Variants in GLRA2 observed in about 807,000 individuals in gnomAD.
GLRA2 encodes the protein glycine receptor alpha 2, also known as glycine receptor subunit alpha-2.
Under a neutral mutation model 31.6 loss-of-function variants are expected in GLRA2, and 11 were observed. The ratio of observed to expected loss-of-function variants is 0.35; its 90% CI spans 0.22 to 0.58. The LOEUF is 0.58. Among genes scored for constraint, GLRA2 ranks in the 20% least tolerant of loss-of-function variants. The probability of loss-of-function intolerance (pLI) is 0.84; values close to 1 mark genes in which losing one functional copy is unlikely to be tolerated. For synonymous variants in GLRA2, 132 were observed against 134.0 expected (o/e 0.99, Z 0.10); for missense variants, 212 against 351.8 (o/e 0.60, Z 3.18).
At chrX:14,506,522 C>T in the GLRA2 span, among the ~76,000 whole-genome samples, 1 of 111,519 alleles carries the variant, frequency 9.0e-6, no homozygotes. Context: ...CTGAACATGC[C>T]ACACTGTTTC....
At chrX:14,500,595 G>A in the GLRA2 span, among the ~76,000 whole-genome samples, 1 of 112,060 alleles carries the variant, frequency 8.9e-6, no homozygotes, top group African/African-American at 3.2e-5. Flanking sequence ...CAAGATGGTG[G>A]GGAAGCTAGT....
At chrX:14,490,443 A>G in the GLRA2 span, among the ~76,000 whole-genome samples, 1 of 112,217 alleles carries the variant, frequency 8.9e-6, no homozygotes, top group East Asian at 2.8e-4. Context: ...TAATTGGAAA[A>G]ACAGTTTAAA....
Position 14,581,414 on chromosome X carries a change from TC to T in GLRA2, c.494+10del. 1 of 1,031,843 alleles carries T rather than the reference TC, an allele frequency of 9.7e-7. No homozygotes were observed. The highest frequency in any genetic ancestry group is 1.4e-6 in the Non-Finnish European group (1 of 731,399). 85.0% of individuals were successfully genotyped at this position (1,031,843 alleles called of 1,213,427 possible). A position where few individuals can be genotyped will look rare whatever the true frequency, so the allele number is the denominator to read the frequency against. ...AGTGCTCTACAGTATCAGGTAAGCC[TC>T]CATTGGCTGCACATGTTCGCATCTC... On this transcript the variant is annotated intron_variant, in intron 4 of 8. Transcript: ENST00000218075.
At chrX:14,692,426 G>A (rs1229967663) in intron 8 of GLRA2, among the ~76,000 whole-genome samples, 9 of 111,848 alleles carry the variant, frequency 8.0e-5, no homozygotes. Context: ...ACAGTACAGA[G>A]TTAAAAGAAT....
rs2090308228 is a variant in GLRA2 at position 14,604,303 on chromosome X, T to G, written c.495-12T>G. On this transcript the variant is annotated splice_polypyrimidine_tract_variant and intron_variant, in intron 4 of 8. Coordinates refer to ENST00000218075, the MANE Select transcript of GLRA2 (RefSeq NM_002063.4). Reference sequence around the variant, plus strand: ...TTAAAAATGGTTTTTAATTTTTTTTTTGTTTGCTAAGACTCACCTTGACCT... The same window carrying G: ...TTAAAAATGGTTTTTAATTTTTTTTGTGTTTGCTAAGACTCACCTTGACCT... 5 of 1,100,895 alleles carry G rather than the reference T, an allele frequency of 4.5e-6. No individual in the cohort carries two copies. The highest frequency in any genetic ancestry group is 6.2e-6 in the Non-Finnish European group (5 of 802,662). The allele number at this position is 1,100,895 out of a possible 1,213,427, so 90.7% of individuals were successfully genotyped here.
the GLRA2 span, among the ~76,000 whole-genome samples, chrX:14,492,459 A>G: frequency 8.9e-6 from 1 of 112,019 alleles, no homozygotes; most frequent in Non-Finnish European, 1.9e-5. Flanking sequence ...AAAATTTTAG[A>G]TATAATACAT....
chrX:14,550,518 T>C (rs2089546368), intron 2 of GLRA2, among the ~76,000 whole-genome samples: 1 of 110,430 alleles, frequency 9.1e-6, no homozygotes, highest in Non-Finnish European at 1.9e-5. Context: ...TGTATTTTCT[T>C]GGTGAAGTAG....
In GLRA2 at chrX:14,532,393, C is replaced by A. The variant is rs769545453; in HGVS notation, c.202+21C>A. On this transcript the variant is annotated intron_variant, in intron 2 of 8. Transcript: ENST00000218075. Reference sequence around the variant, plus strand: ...TAAAGGTAGGTTCCACTTAAACTTACGTTAAGCCTTTGAGAAATCTTCTAG... The same window carrying A: ...TAAAGGTAGGTTCCACTTAAACTTAAGTTAAGCCTTTGAGAAATCTTCTAG... 1.2e-5 allele frequency: 13 copies of A among 1,088,477 alleles called. No homozygotes were observed. In the Admixed American group the frequency reaches 2.5e-4, roughly 21 times the overall value. 89.7% of individuals were successfully genotyped at this position (1,088,477 alleles called of 1,213,427 possible). A position where few individuals can be genotyped will look rare whatever the true frequency, so the allele number is the denominator to read the frequency against.
chrX:14,660,561 T>C (rs1050024731), intron 7 of GLRA2, among the ~76,000 whole-genome samples: 2 of 111,391 alleles, frequency 1.8e-5, no homozygotes, highest in African/African-American at 6.5e-5. Context: ...CTTTGTTGAT[T>C]ATAGACTGTG....
rs182149851 is a variant in GLRA2, at chrX:14,557,395, A to G, written c.203-16938A>G. The stretch of plus-strand genomic sequence containing the variant: ...CTCCCAAAGTGCTGGGATTACAGGC[A>G]TAAGCCACTGTGCCCGGCCCACCTA... On this transcript the variant is annotated intron_variant, in intron 2 of 8. Transcript: ENST00000218075. 4.9e-3 allele frequency among the ~76,000 whole-genome samples: 546 copies of G among 111,290 alleles called. 5 individuals are homozygous for G. Among genetic ancestry groups the G allele is most frequent in the African/African-American group, 0.017 (515 of 30,656 alleles).
chrX:14,477,512 TC>T, the GLRA2 span, among the ~76,000 whole-genome samples: 1 of 111,258 alleles, frequency 9.0e-6, no homozygotes, highest in Non-Finnish European at 1.9e-5. Context: ...CTAACCACTC[TC>T]CCCAGCAGAG....
intron 8 of GLRA2, among the ~76,000 whole-genome samples, chrX:14,719,963 T>C (rs1238674035): frequency 9.0e-6 from 1 of 111,503 alleles, no homozygotes; most frequent in Non-Finnish European, 1.9e-5. Context: ...AATACTACAA[T>C]TTCTCATTTT....
chrX:14,662,914 T>C (rs1314637765), intron 7 of GLRA2, among the ~76,000 whole-genome samples: 2 of 112,136 alleles, frequency 1.8e-5, no homozygotes, highest in Non-Finnish European at 3.8e-5. Context: ...TTATTTTTCA[T>C]TATATTTTGT....
intron 7 of GLRA2, among the ~76,000 whole-genome samples, chrX:14,669,943 T>G: frequency 8.9e-6 from 1 of 112,669 alleles, no homozygotes; most frequent in Non-Finnish European, 1.9e-5. Context: ...TATTGCATTG[T>G]CAGGCTGCAA....
rs6630729 is a variant in GLRA2, at chrX:14,629,426, C to G, written c.930+20221C>G. 1.2e-4 allele frequency among the ~76,000 whole-genome samples: 13 copies of G among 111,496 alleles called. No individual in the cohort carries two copies. In the East Asian group the frequency reaches 2.6e-3, roughly 22 times the overall value. ...TGTGATTCAGTAGTGCCCATCTGAACCAGAAAAGTAGTGGGAGAGTTCATT... is the reference window on the plus strand; with the variant it reads ...TGTGATTCAGTAGTGCCCATCTGAAGCAGAAAAGTAGTGGGAGAGTTCATT... On this transcript the variant is annotated intron_variant, in intron 7 of 8. Transcript: ENST00000218075.
intron 2 of GLRA2, among the ~76,000 whole-genome samples, chrX:14,543,461 C>T (rs1291467991): frequency 9.0e-6 from 1 of 110,918 alleles, no homozygotes; most frequent in East Asian, 2.8e-4. Flanking sequence ...ACAGTTGTCT[C>T]TACCTTATTT....
intron 7 of GLRA2, among the ~76,000 whole-genome samples, chrX:14,623,394 G>T (rs1245942609): frequency 9.0e-6 from 1 of 111,378 alleles, no homozygotes; most frequent in East Asian, 2.8e-4. Context: ...ATGTTGAATA[G>T]GAGTGGTGAG....
rs779492339 is a variant in GLRA2, at chrX:14,581,145, A to G, written c.271-38A>G. The G allele has an allele frequency of 3.8e-6, 3 of 794,960 alleles. No individual in the cohort carries two copies. The South Asian group carries it at 6.2e-5, about 16-fold the overall frequency. 65.5% of individuals were successfully genotyped at this position (794,960 alleles called of 1,213,427 possible). On this transcript the variant is annotated intron_variant, in intron 3 of 8. Coordinates refer to ENST00000218075, the MANE Select transcript of GLRA2 (RefSeq NM_002063.4). ...GAAATGCAAATAGAACTCCTGTGCC[A>G]GGGTAATCAGTAACACTTGTCCACG... is the stretch of plus-strand genomic sequence containing the variant.
chrX:14,474,301 C>T, the GLRA2 span, among the ~76,000 whole-genome samples: 122 of 111,479 alleles, frequency 1.1e-3, 1 homozygote, highest in Middle Eastern at 0.018. Flanking sequence ...TTGTTAGTTA[C>T]CCTGCAGCTG....
Sources: gnomAD v4.1 joint callset for allele counts (sites outside exome capture counted in the v4.1 genomes callset) on GRCh38, gnomAD v4.1.1 for gene constraint, MANE v1.5 for transcripts, NCBI Gene and HGNC (gene_info 2026-07-23, HGNC 2026-07-21) for gene names.